PI4KA: variants seen among roughly 807,000 people sequenced by gnomAD.
PI4KA encodes PI4-kinase alpha.
Under a neutral mutation model 271.4 loss-of-function variants are expected in PI4KA, and 122 were observed. That is an observed-to-expected ratio of 0.45 (90% CI 0.39 to 0.52). The LOEUF (loss-of-function observed/expected upper bound fraction) is 0.52, where lower values mean the gene tolerates loss of function less well. Among genes scored for constraint, PI4KA ranks in the 20% least tolerant of loss-of-function variants. PI4KA has a pLI of 0.00. For missense variants in PI4KA, 1,969 were observed against 2,769.1 expected, an observed-to-expected ratio of 0.71 and a Z score of 6.48; for synonymous variants, 1,041 against 1,078.8, an observed-to-expected ratio of 0.96 and a Z score of 0.69.
rs1183534021 is a variant in PI4KA at position 20,799,154 on chromosome 22, G to A, written c.1943C>T (p.Pro648Leu). 1.2e-6 allele frequency: 2 copies of A among 1,612,338 alleles called. No individual in the cohort carries two copies. Among genetic ancestry groups the A allele is most frequent in the East Asian group, 2.2e-5 (1 of 44,834 alleles). ...LQILQQKFCQ[P>L]PSPLDVLIID... ...AATCAGCACATCGAGGGGGGAGGGT[G>A]GCTGGCAGAATTTCTGCTGTAGGAT... The change falls in exon 16 of 55, where the codon CCA becomes CTA. Residue 648 changes from proline to leucine, a missense_variant. Physicochemically the swap from Pro to Leu is moderately conservative, Grantham distance 98. Around this residue, in one of 13 missense-constraint regions of PI4KA, gnomAD observed 228 missense variants for 261.6 expected, o/e 0.87. Transcript: ENST00000255882.
intron 1 of PI4KA, among the ~76,000 whole-genome samples, chr22:20,851,989 T>C (rs1927040372): frequency 6.6e-6 from 1 of 152,066 alleles, no homozygotes; most frequent in Admixed American, 6.6e-5. Context: ...CCGGGCGTGG[T>C]GGCGGGCGCC....
chr22:20,802,224 A>G, intron 13 of PI4KA, 119 bp from the exon 14 acceptor site: 1 of 785,286 alleles, frequency 1.3e-6, no homozygotes, highest in South Asian at 1.8e-5. Flanking sequence ...TGATCACTCT[A>G]AAAACATCTG....
intron 29 of PI4KA, among the ~76,000 whole-genome samples, chr22:20,746,361 C>T (rs896323847): frequency 6.6e-6 from 1 of 151,600 alleles, no homozygotes; most frequent in Admixed American, 6.6e-5. Flanking sequence ...CGTGCCTGGC[C>T]CCAGAATTAA....
chr22:20,782,563 C>G (rs1274243892), intron 19 of PI4KA, among the ~76,000 whole-genome samples: 2 of 152,148 alleles, frequency 1.3e-5, no homozygotes, highest in South Asian at 2.1e-4. Flanking sequence ...TAAACAGAGG[C>G]AGGCTCTCAT....
intron 47 of PI4KA, 24 bp downstream of exon 47, chr22:20,714,434 A>T (rs1322552770): frequency 6.3e-7 from 1 of 1,591,842 alleles, no homozygotes; most frequent in African/African-American, 1.4e-5. Context: ...GAGCTCCCAA[A>T]CAAAATCAGG....
intron 1 of PI4KA, among the ~76,000 whole-genome samples, chr22:20,844,741 A>T (rs1018997723): frequency 3.3e-5 from 5 of 152,160 alleles, no homozygotes; most frequent in African/African-American, 1.2e-4. Context: ...AACATTTATC[A>T]TGTGTTCATC....
chr22:20,779,469 C>A, intron 19 of PI4KA: 1 of 1,614,172 alleles, frequency 6.2e-7, no homozygotes, highest in Non-Finnish European at 8.5e-7. Flanking sequence ...CCTGAGCATG[C>A]CTCTTCTCCC....
chr22:20,833,215 A>T (rs1389346449), intron 3 of PI4KA, among the ~76,000 whole-genome samples: 1 of 151,978 alleles, frequency 6.6e-6, no homozygotes, highest in African/African-American at 2.4e-5. Flanking sequence ...GGTATTGGGC[A>T]CTCAGCTTTG....
intron 2 of PI4KA, 31 bp from the exon 3 acceptor site, chr22:20,834,686 G>T: frequency 7.1e-7 from 1 of 1,401,748 alleles, no homozygotes. Context: ...TAATAAATTA[G>T]ATTTAATAAA....
chr22:20,765,335 A>G, intron 20 of PI4KA, 99 bp from the exon 21 acceptor site: 1 of 1,281,100 alleles, frequency 7.8e-7, no homozygotes, highest in South Asian at 1.4e-5. Context: ...CTTTGAGACA[A>G]TTATCCCAAA....
chr22:20,814,018 C>T (rs563839991), intron 7 of PI4KA, among the ~76,000 whole-genome samples: 112 of 152,258 alleles, frequency 7.4e-4, no homozygotes, highest in Non-Finnish European at 5.1e-4. Flanking sequence ...AGGCTAGTCT[C>T]GAACTCCTGA....
chr22:20,824,435 A>C lies in PI4KA; in HGVS notation c.368-21T>G, dbSNP rs3788327. 57,155 of 1,571,972 alleles carry C rather than the reference A, an allele frequency of 0.036. 1,210 individuals are homozygous for C. Among genetic ancestry groups the C allele is most frequent in the Middle Eastern group, 0.065 (391 of 5,978 alleles). ...GGCACCTGGAAGATGTAAAAACATA[A>C]ATCAGATAACCAGGAACCAGATACT... is the stretch of plus-strand genomic sequence containing the variant. On this transcript the variant is annotated intron_variant, in intron 3 of 54. Transcript: ENST00000255882.
Position 20,758,389 on chromosome 22 carries a change from AC to A in PI4KA, c.2791+2914del, listed in dbSNP as rs374624157. On this transcript the variant is annotated intron_variant, in intron 23 of 54. Coordinates refer to ENST00000255882, the MANE Select transcript of PI4KA (RefSeq NM_058004.4). ...CAAAAAAAAAAAAAAAAAAAAAAAA[AC>A]ATGAGATTCTGTGTCTTAAATGTCT... is the stretch of plus-strand genomic sequence containing the variant. Among the ~76,000 whole-genome samples, 480 of 57,100 alleles carry A rather than the reference AC, an allele frequency of 8.4e-3. 5 individuals carry two copies. Among genetic ancestry groups the A allele is most frequent in the Middle Eastern group, 0.019 (2 of 106 alleles). The allele number at this position is 57,100 out of a possible 152,430, so 37.5% of individuals were successfully genotyped here.
intron 36 of PI4KA, among the ~76,000 whole-genome samples, chr22:20,731,058 A>T (rs552543130): frequency 1.3e-5 from 2 of 152,198 alleles, no homozygotes; most frequent in East Asian, 3.9e-4. Flanking sequence ...ATGTGTCTGT[A>T]GTCTTAGCTG....
At chr22:20,808,462 G>A (rs559185329) in intron 9 of PI4KA, among the ~76,000 whole-genome samples, 4 of 145,174 alleles carry the variant, frequency 2.8e-5, no homozygotes, top group South Asian at 2.2e-4. Flanking sequence ...GCGTGGTGGC[G>A]TGCACCTGTA....
chr22:20,726,803 G>T (rs1035144010), intron 41 of PI4KA, among the ~76,000 whole-genome samples: 1 of 152,162 alleles, frequency 6.6e-6, no homozygotes, highest in Non-Finnish European at 1.5e-5. Flanking sequence ...GGTCTGCTGT[G>T]GGTCAGACTC....
intron 19 of PI4KA, among the ~76,000 whole-genome samples, 176 bp from the exon 20 acceptor site, chr22:20,765,869 T>G (rs1932478316): frequency 1.3e-5 from 2 of 152,158 alleles, no homozygotes; most frequent in South Asian, 2.1e-4. Flanking sequence ...GTCCATCCAC[T>G]CATTTACTGA....
intron 1 of PI4KA, among the ~76,000 whole-genome samples, chr22:20,840,348 G>A (rs1283047275): frequency 1.3e-5 from 2 of 152,230 alleles, no homozygotes; most frequent in Non-Finnish European, 2.9e-5. Flanking sequence ...GGAGGCCCAG[G>A]AGTTCAGGTC....
At chr22:20,848,169 C>T (rs1390354433) in intron 1 of PI4KA, among the ~76,000 whole-genome samples, 3 of 135,566 alleles carry the variant, frequency 2.2e-5, no homozygotes, top group Non-Finnish European at 4.6e-5. Context: ...ACCCAGGAGG[C>T]GGAGGTTGCA....
Sources: allele counts gnomAD v4.1 joint callset (sites outside exome capture counted in the v4.1 genomes callset), GRCh38; gene constraint gnomAD v4.1.1; regional missense constraint gnomAD v4.1.1; transcripts MANE v1.5; gene names NCBI Gene and HGNC (gene_info 2026-07-23, HGNC 2026-07-21).